The following PAGE2B variants were observed in gnomAD, a reference collection of about 807,000 sequenced individuals.
PAGE2B encodes the protein PAGE family member 2B.
PAGE2B carries 5 observed loss-of-function variants against 7.6 expected under a neutral mutation model. The observed-to-expected ratio is 0.66, with a 90% CI of 0.34 to 1.38. The LOEUF (loss-of-function observed/expected upper bound fraction) is 1.38, where lower values mean the gene tolerates loss of function less well. Among genes scored for constraint, PAGE2B ranks in the 40% most tolerant of loss-of-function variants. The pLI is 0.04. For missense variants in PAGE2B, 70 were observed against 78.4 expected (o/e 0.89, Z 0.41); for synonymous variants, 29 against 26.7 (o/e 1.09, Z -0.27).
chrX:55,076,694 GAAT>G lies in PAGE2B; in HGVS notation c.193+21_193+23del. 1 of 1,184,215 alleles carries G rather than the reference GAAT, an allele frequency of 8.4e-7. No homozygotes were observed. The highest frequency in any genetic ancestry group is 2.3e-4 in the Middle Eastern group (1 of 4,298). ...CCGTTCAAGGTGAAGGGAGAGTGGA[GAAT>G]AATGCTTATGGGTGGTGGAGGTCTA... On this transcript the variant is annotated intron_variant, in intron 3 of 4. Transcript: ENST00000374971.
chrX:55,028,474 T>C, the PAGE2B span, among the ~76,000 whole-genome samples: 1 of 111,381 alleles, frequency 9.0e-6, no homozygotes, highest in Non-Finnish European at 1.9e-5. Flanking sequence ...GCCCCCAATA[T>C]TGGAGGCAAA....
At chrX:55,031,722 T>C in the PAGE2B span, among the ~76,000 whole-genome samples, 2 of 111,304 alleles carry the variant, frequency 1.8e-5, no homozygotes, top group East Asian at 5.6e-4. Context: ...TCTCATAATA[T>C]ACAATTAAAA....
At chrX:55,049,749 A>G in the PAGE2B span, among the ~76,000 whole-genome samples, 2 of 110,923 alleles carry the variant, frequency 1.8e-5, no homozygotes, top group African/African-American at 6.6e-5. Flanking sequence ...GATCTTTTCA[A>G]AAAACCAGCT....
the PAGE2B span, among the ~76,000 whole-genome samples, chrX:55,054,612 T>C: frequency 9.8e-5 from 11 of 112,576 alleles, no homozygotes; most frequent in Non-Finnish European, 1.9e-4. Flanking sequence ...TAATACTGAA[T>C]AGATATTTTA....
At chrX:55,031,058 C>T in the PAGE2B span, 2 of 316,693 alleles carry the variant, frequency 6.3e-6, no homozygotes, top group African/African-American at 5.4e-5. Context: ...CGGCCTGGCC[C>T]TGCATTGGCC....
chrX:55,050,285 T>C, the PAGE2B span, among the ~76,000 whole-genome samples: 1 of 111,857 alleles, frequency 8.9e-6, no homozygotes, highest in Non-Finnish European at 1.9e-5. Flanking sequence ...GTATATTCTG[T>C]TGATTTGGGG....
intron 4 of PAGE2B, among the ~76,000 whole-genome samples, chrX:55,077,984 TAAAG>T (rs1315837993): frequency 2.3e-5 from 2 of 87,787 alleles, no homozygotes; most frequent in Non-Finnish European, 4.4e-5. Context: ...GTGTCATTTT[TAAAG>T]AAAGATGAAA....
chrX:55,034,969 G>A, the PAGE2B span, among the ~76,000 whole-genome samples: 1 of 110,500 alleles, frequency 9.0e-6, no homozygotes, highest in Non-Finnish European at 1.9e-5. Flanking sequence ...CATGCAGCAT[G>A]GGAGAAGGAT....
chrX:55,055,905 CA>C, the PAGE2B span: 605 of 101,206 alleles, frequency 6.0e-3, 3 homozygotes, highest in African/African-American at 0.01. Flanking sequence ...TCATGGAAGC[CA>C]AAAAAAAAAA....
the PAGE2B span, among the ~76,000 whole-genome samples, chrX:55,035,778 T>A: frequency 8.9e-6 from 1 of 112,251 alleles, no homozygotes; most frequent in Non-Finnish European, 1.9e-5. Flanking sequence ...CTTTATAGTG[T>A]TTTTATGAAG....
Position 55,076,074 on chromosome X carries a change from C to T in PAGE2B, c.33C>T (p.Ser11=), listed in dbSNP as rs1302834380. Residue 11 remains serine (S), a synonymous_variant, in exon 2 of 5, where the codon TCC becomes TCT. Transcript: ENST00000374971. ...AGCATGTGAGAACAAGATCCCAATCCTCAGAAAGAGGAAATGACCAAGAGT... is the reference window on the plus strand; with the variant it reads ...AGCATGTGAGAACAAGATCCCAATCTTCAGAAAGAGGAAATGACCAAGAGT... MSEHVRTRSQ[S]SERGNDQESS... 1.7e-6 allele frequency: 2 copies of T among 1,208,079 alleles called. No homozygotes were observed. The highest frequency in any genetic ancestry group is 1.8e-5 in the African/African-American group (1 of 56,978).
chrX:55,072,381 A>G (rs1465508604), upstream of PAGE2B, among the ~76,000 whole-genome samples: 1 of 112,509 alleles, frequency 8.9e-6, no homozygotes, highest in Non-Finnish European at 1.9e-5. Flanking sequence ...TCACCAGTGG[A>G]TGCTGCAGAA....
the PAGE2B span, among the ~76,000 whole-genome samples, chrX:55,064,116 A>T: frequency 8.1e-5 from 9 of 111,322 alleles, no homozygotes; most frequent in African/African-American, 2.9e-4. Flanking sequence ...TTTTTGGAAT[A>T]GTTTGAGTAG....
At chrX:55,048,217 T>A in the PAGE2B span, among the ~76,000 whole-genome samples, 14 of 111,892 alleles carry the variant, frequency 1.3e-4, no homozygotes, top group South Asian at 3.7e-4. Flanking sequence ...TGGTTACTGT[T>A]GCCTTGTAGT....
chrX:55,047,528 C>T, the PAGE2B span, among the ~76,000 whole-genome samples: 1 of 111,674 alleles, frequency 9.0e-6, no homozygotes, highest in Non-Finnish European at 1.9e-5. Flanking sequence ...GTTTCCAGTC[C>T]CACCAACAGT....
the PAGE2B span, among the ~76,000 whole-genome samples, chrX:55,028,653 C>G: frequency 9.0e-6 from 1 of 111,401 alleles, no homozygotes; most frequent in Non-Finnish European, 1.9e-5. Flanking sequence ...CTTTCAAGCT[C>G]CTGTTCTCAT....
In PAGE2B at chrX:55,076,649, C is replaced by A; in HGVS notation, c.165C>A (p.Ile55=). 8.3e-7 allele frequency: 1 copy of A among 1,206,411 alleles called. No homozygotes were observed. ...AGGGTATTGCACCTAGTGGGGAGATCGAAAATGAAGGAGCACCTGCCGTTC... is the reference window on the plus strand; with the variant it reads ...AGGGTATTGCACCTAGTGGGGAGATAGAAAATGAAGGAGCACCTGCCGTTC... ...DNQGIAPSGE[I]ENEGAPAVQG... Residue 55 remains isoleucine (I), a synonymous_variant, in exon 3 of 5, where the codon ATC becomes ATA. Coordinates refer to ENST00000374971, the MANE Select transcript of PAGE2B (RefSeq NM_001015038.3).
the PAGE2B span, among the ~76,000 whole-genome samples, chrX:55,062,118 T>A: frequency 2.7e-5 from 3 of 111,709 alleles, no homozygotes; most frequent in Admixed American, 1.9e-4. Context: ...TACCTGGGAA[T>A]AGGATTGTTG....
chrX:55,049,586 A>C, the PAGE2B span, among the ~76,000 whole-genome samples: 1 of 111,298 alleles, frequency 9.0e-6, no homozygotes, highest in African/African-American at 3.3e-5. Context: ...TTTCTAGTTT[A>C]TTTGCCTAGA....
Sources: allele counts gnomAD v4.1 joint callset (sites outside exome capture counted in the v4.1 genomes callset), GRCh38; gene constraint gnomAD v4.1.1; transcripts MANE v1.5; gene names NCBI Gene and HGNC (gene_info 2026-07-23, HGNC 2026-07-21).